ERLIN1: variants seen among roughly 807,000 people sequenced by gnomAD.
ERLIN1 encodes the protein erlin-1.
A neutral mutation model predicts 46.9 loss-of-function variants in ERLIN1; 24 were observed. The ratio of observed to expected loss-of-function variants is 0.51; its 90% CI spans 0.37 to 0.72. The LOEUF (loss-of-function observed/expected upper bound fraction) is 0.72, where lower values mean the gene tolerates loss of function less well. Ranked by LOEUF, ERLIN1 falls within the 30% of genes least tolerant of loss-of-function variation. The pLI, the probability that ERLIN1 is intolerant of heterozygous loss-of-function variation, is 0.00. For missense variants in ERLIN1, 293 were observed against 417.9 expected (o/e 0.70, Z 2.61); for synonymous variants, 158 against 143.2 (o/e 1.10, Z -0.74).
intron 10 of ERLIN1, among the ~76,000 whole-genome samples, chr10:100,152,984 G>T (rs1173624298): frequency 1.3e-5 from 2 of 152,310 alleles, no homozygotes; most frequent in East Asian, 3.9e-4. Context: ...CTCCAGGGAG[G>T]CTACAGGAAT....
intron 6 of ERLIN1, among the ~76,000 whole-genome samples, chr10:100,169,516 AAT>A (rs1182658563): frequency 6.6e-6 from 1 of 152,126 alleles, no homozygotes; most frequent in Non-Finnish European, 1.5e-5. Flanking sequence ...AAAAAAATAT[AAT>A]AGTGACTGTA....
At chr10:100,180,884 G>A (rs1261071113) in intron 2 of ERLIN1, among the ~76,000 whole-genome samples, 1 of 152,154 alleles carries the variant, frequency 6.6e-6, no homozygotes. Flanking sequence ...AATTTATTTA[G>A]ATTAATTCAG....
At chr10:100,159,822 A>AAGTTGAGTTT (rs1435525438) in intron 8 of ERLIN1, among the ~76,000 whole-genome samples, 1 of 151,992 alleles carries the variant, frequency 6.6e-6, no homozygotes, top group Non-Finnish European at 1.5e-5. Context: ...AAAAGACTTA[A>AAGTTGAGTTT]ACTTAACTAT....
intron 5 of ERLIN1, 110 bp from the exon 6 acceptor site, chr10:100,174,391 A>G (rs1192888466): frequency 3.9e-6 from 3 of 778,832 alleles, no homozygotes; most frequent in Non-Finnish European, 6.4e-6. Context: ...CCACAGTACT[A>G]TTCTTTTACA....
intron 8 of ERLIN1, among the ~76,000 whole-genome samples, chr10:100,157,159 T>C (rs1328388214): frequency 6.6e-6 from 1 of 152,148 alleles, no homozygotes; most frequent in African/African-American, 2.4e-5. Context: ...CTGTCTTGAG[T>C]GACAGGCTAA....
chr10:100,186,023 C>A lies in ERLIN1; in HGVS notation c.-397G>T, dbSNP rs566006997. The A allele has an allele frequency of 2.4e-5, 10 of 418,068 alleles. No homozygotes were observed. Among genetic ancestry groups the A allele is most frequent in the African/African-American group, 1.4e-4 (7 of 48,782 alleles). 25.9% of individuals were successfully genotyped at this position (418,068 alleles called of 1,614,324 possible). ...CCGACTCCCGCGCCGAGCCAACCGC[C>A]GCCAACAGCCGGCCCCGCCCACTCG... On this transcript the variant is annotated 5_prime_UTR_variant, in exon 1 of 11. Transcript: ENST00000421367.
At chr10:100,167,431 A>C (rs1406154519) in intron 6 of ERLIN1, 25 bp from the exon 7 acceptor site, 2 of 1,587,844 alleles carry the variant, frequency 1.3e-6, no homozygotes, top group Admixed American at 3.4e-5. Flanking sequence ...TGAAAAAGCC[A>C]AAGTATATTT....
chr10:100,180,323 A>G (rs1844562983), intron 2 of ERLIN1, among the ~76,000 whole-genome samples: 1 of 152,240 alleles, frequency 6.6e-6, no homozygotes, highest in South Asian at 2.1e-4. Flanking sequence ...CCTGTTTCCA[A>G]AGAGTTCACA....
At chr10:100,178,755 T>G (rs1387016943) in intron 3 of ERLIN1, among the ~76,000 whole-genome samples, 1 of 152,216 alleles carries the variant, frequency 6.6e-6, no homozygotes, top group African/African-American at 2.4e-5. Flanking sequence ...TTCTAATCCT[T>G]ACAACAACTC....
intron 2 of ERLIN1, among the ~76,000 whole-genome samples, chr10:100,179,638 G>A (rs1421760759): frequency 6.6e-6 from 1 of 152,056 alleles, no homozygotes; most frequent in Non-Finnish European, 1.5e-5. Context: ...TGTATTTTTA[G>A]TAAAGATGAG....
chr10:100,180,282 G>A (rs138043079), intron 2 of ERLIN1, among the ~76,000 whole-genome samples: 1 of 152,246 alleles, frequency 6.6e-6, no homozygotes, highest in East Asian at 1.9e-4. Context: ...ATCTTATCAA[G>A]CACAAAGCAA....
intron 9 of ERLIN1, among the ~76,000 whole-genome samples, chr10:100,155,477 G>C (rs2134102671): frequency 6.6e-6 from 1 of 152,126 alleles, no homozygotes; most frequent in Non-Finnish European, 1.5e-5. Flanking sequence ...TGGACAGGTG[G>C]AAAAGAAACT....
chr10:100,156,288 A>G (rs1301580224), intron 8 of ERLIN1, 54 bp from the exon 9 acceptor site: 1 of 1,113,282 alleles, frequency 9.0e-7, no homozygotes, highest in Non-Finnish European at 1.4e-6. Flanking sequence ...ACAGTACCTG[A>G]GGCACTTCGA....
intron 5 of ERLIN1, among the ~76,000 whole-genome samples, chr10:100,174,617 T>C (rs981275607): frequency 6.6e-6 from 1 of 152,196 alleles, no homozygotes; most frequent in Admixed American, 6.5e-5. Context: ...AATATGTTGA[T>C]CTAATAAATG....
chr10:100,166,453 GAAAT>G (rs1288744032), intron 7 of ERLIN1, among the ~76,000 whole-genome samples: 1 of 151,434 alleles, frequency 6.6e-6, no homozygotes, highest in Non-Finnish European at 1.5e-5. Flanking sequence ...AAGAAAAAGA[GAAAT>G]AAAACTCTGT....
At chr10:100,183,859 T>G (rs1000578261) in intron 1 of ERLIN1, 22 bp from the exon 2 acceptor site, 2 of 1,569,258 alleles carry the variant, frequency 1.3e-6, no homozygotes, top group Non-Finnish European at 1.8e-6. Flanking sequence ...TGTTTCAATT[T>G]GACAAAATTA....
intron 7 of ERLIN1, among the ~76,000 whole-genome samples, chr10:100,165,683 A>G (rs537248293): frequency 6.6e-6 from 1 of 152,098 alleles, no homozygotes; most frequent in Non-Finnish European, 1.5e-5. Flanking sequence ...CACCGCACCC[A>G]GCCTAAGCAA....
At chr10:100,157,875 T>C (rs1297464552) in intron 8 of ERLIN1, among the ~76,000 whole-genome samples, 2 of 152,162 alleles carry the variant, frequency 1.3e-5, no homozygotes, top group African/African-American at 2.4e-5. Flanking sequence ...CGACCAGACT[T>C]CTAGAAAAAT....
At chr10:100,177,630 G>T (rs1213256512) in intron 4 of ERLIN1, among the ~76,000 whole-genome samples, 1 of 152,102 alleles carries the variant, frequency 6.6e-6, no homozygotes, top group African/African-American at 2.4e-5. Context: ...TTTCTTCAGG[G>T]CTTCTAATTA....
Sources: gnomAD v4.1 joint callset for allele counts (sites outside exome capture counted in the v4.1 genomes callset) on GRCh38, gnomAD v4.1.1 for gene constraint, MANE v1.5 for transcripts, NCBI Gene and HGNC (gene_info 2026-07-23, HGNC 2026-07-21) for gene names.